The following DNAAF4 variants were observed in gnomAD, a reference collection of about 807,000 sequenced individuals.
DNAAF4 encodes dynein axonemal assembly factor 4.
Under a neutral mutation model 51.8 loss-of-function variants are expected in DNAAF4, and 43 were observed. That is an observed-to-expected ratio of 0.83 (90% CI 0.65 to 1.07). The LOEUF (loss-of-function observed/expected upper bound fraction) is 1.07. Among genes scored for constraint, DNAAF4 ranks in the 50% least tolerant of loss-of-function variants. The pLI is 0.00. For synonymous variants in DNAAF4, 194 were observed against 165.6 expected (o/e 1.17, Z -1.32); for missense variants, 581 against 493.0 (o/e 1.18, Z -1.69).
chr15:55,424,570 T>G (rs2057414241), intron 7 of DNAAF4, among the ~76,000 whole-genome samples: 1 of 152,192 alleles, frequency 6.6e-6, no homozygotes, highest in Non-Finnish European at 1.5e-5. Flanking sequence ...ACCACTTTTT[T>G]GACTAGGCCC....
At chr15:55,440,057 T>C (rs1422510551) in intron 6 of DNAAF4, among the ~76,000 whole-genome samples, 1 of 152,052 alleles carries the variant, frequency 6.6e-6, no homozygotes, top group East Asian at 1.9e-4. Context: ...TACTACTTGA[T>C]GGTGGTAATT....
intron 1 of DNAAF4, among the ~76,000 whole-genome samples, chr15:55,506,243 C>T (rs1298722666): frequency 1.3e-5 from 2 of 152,128 alleles, no homozygotes; most frequent in African/African-American, 2.4e-5. Context: ...CACAACCCCA[C>T]AATAAAATGG....
intron 5 of DNAAF4, among the ~76,000 whole-genome samples, chr15:55,465,717 C>T (rs1221093551): frequency 6.6e-6 from 1 of 152,024 alleles, no homozygotes; most frequent in African/African-American, 2.4e-5. Context: ...CAGATATGTG[C>T]CACCACACCT....
chr15:55,450,468 A>T, intron 5 of DNAAF4, 101 bp from the exon 6 acceptor site: 1 of 1,273,242 alleles, frequency 7.9e-7, no homozygotes, highest in African/African-American at 1.5e-5. Context: ...CCCAAATCCT[A>T]AACAAATAAA....
intron 1 of DNAAF4, among the ~76,000 whole-genome samples, chr15:55,506,062 T>C (rs2058725704): frequency 6.6e-6 from 1 of 152,232 alleles, no homozygotes; most frequent in African/African-American, 2.4e-5. Context: ...AGAGTACTTT[T>C]GTCTCAGCTT....
chr15:55,438,072 T>G (rs2057644610), intron 7 of DNAAF4, among the ~76,000 whole-genome samples: 1 of 152,152 alleles, frequency 6.6e-6, no homozygotes, highest in Non-Finnish European at 1.5e-5. Flanking sequence ...TTTTGATCAG[T>G]ATGTTAAAAT....
intron 5 of DNAAF4, among the ~76,000 whole-genome samples, chr15:55,454,027 A>G (rs1180651875): frequency 1.3e-5 from 2 of 151,636 alleles, no homozygotes; most frequent in Admixed American, 6.6e-5. Flanking sequence ...TTGGCCAGGT[A>G]TGGTGGCTCA....
chr15:55,447,370 G>A (rs1022137683), intron 6 of DNAAF4, among the ~76,000 whole-genome samples: 2 of 152,050 alleles, frequency 1.3e-5, no homozygotes, highest in Non-Finnish European at 2.9e-5. Flanking sequence ...TTCCTAGATG[G>A]GGTGGCGGCC....
chr15:55,438,041 G>A (rs1301783970), intron 7 of DNAAF4, among the ~76,000 whole-genome samples: 2 of 152,162 alleles, frequency 1.3e-5, no homozygotes, highest in Non-Finnish European at 2.9e-5. Flanking sequence ...TTGCCACTCA[G>A]AATATGCCAG....
rs2057476254 is a variant in DNAAF4 at position 55,430,529 on chromosome 15, T to A, written c.*141A>T. 3.1e-6 allele frequency: 4 copies of A among 1,270,542 alleles called. No individual in the cohort carries two copies. The allele number at this position is 1,270,542 out of a possible 1,614,324, so 78.7% of individuals were successfully genotyped here. A position where few individuals can be genotyped will look rare whatever the true frequency, so the allele number is the denominator to read the frequency against. The stretch of plus-strand genomic sequence containing the variant: ...TTCAAGTCAAACAGTTTATTTTCTA[T>A]AGATTTATAATATTTTGCCCTCAAC... On this transcript the variant is annotated 3_prime_UTR_variant, in exon 10 of 10. Transcript: ENST00000321149.
intron 9 of DNAAF4, among the ~76,000 whole-genome samples, chr15:55,431,232 A>C (rs1020583920): frequency 6.6e-6 from 1 of 151,968 alleles, no homozygotes; most frequent in South Asian, 2.1e-4. Context: ...ATCTAAAATA[A>C]AATAAAATAA....
At chr15:55,462,169 A>C (rs1279020100) in intron 5 of DNAAF4, among the ~76,000 whole-genome samples, 1 of 152,154 alleles carries the variant, frequency 6.6e-6, no homozygotes, top group African/African-American at 2.4e-5. Context: ...AACTAAAAAA[A>C]GTCCAGGACC....
chr15:55,441,758 G>A (rs1402997727), intron 6 of DNAAF4, among the ~76,000 whole-genome samples: 2 of 152,002 alleles, frequency 1.3e-5, no homozygotes, highest in African/African-American at 2.4e-5. Flanking sequence ...CTTTTTTATG[G>A]CTGCATAGTA....
In DNAAF4 at chr15:55,469,457, T is replaced by G. The variant is rs184171742; in HGVS notation, c.406-2296A>C. Among the ~76,000 whole-genome samples the G allele has an allele frequency of 3.9e-3, 574 of 147,956 alleles. 5 individuals carry two copies. Among genetic ancestry groups the G allele is most frequent in the African/African-American group, 0.013 (542 of 40,390 alleles). On this transcript the variant is annotated intron_variant, in intron 4 of 9. Transcript: ENST00000321149. ...TTCCATCACGAAACTTGTGGGTTTC[T>G]CCTATGCTTACCAATTCTTTTTTTT...
chr15:55,437,260 C>T (rs1367259572), intron 7 of DNAAF4, among the ~76,000 whole-genome samples: 2 of 152,024 alleles, frequency 1.3e-5, no homozygotes, highest in South Asian at 2.1e-4. Context: ...TATTTAATGG[C>T]TGAATAAATG....
At chr15:55,463,548 T>A (rs2058125833) in intron 5 of DNAAF4, among the ~76,000 whole-genome samples, 1 of 151,970 alleles carries the variant, frequency 6.6e-6, no homozygotes, top group Non-Finnish European at 1.5e-5. Context: ...TAAAGATTCA[T>A]CCAAAAAGCT....
intron 6 of DNAAF4, among the ~76,000 whole-genome samples, chr15:55,446,762 GT>G: frequency 6.9e-6 from 1 of 145,774 alleles, no homozygotes; most frequent in South Asian, 2.2e-4. Flanking sequence ...CCCAGACAGG[GT>G]GGTGGCCAGG....
At chr15:55,495,726 A>T (rs576232733) in intron 3 of DNAAF4, among the ~76,000 whole-genome samples, 9 of 152,220 alleles carry the variant, frequency 5.9e-5, no homozygotes, top group African/African-American at 2.2e-4. Context: ...ATAGGGTGAG[A>T]TTCTATCTCT....
chr15:55,473,000 T>C (rs1218916883), intron 4 of DNAAF4, among the ~76,000 whole-genome samples: 1 of 151,332 alleles, frequency 6.6e-6, no homozygotes, highest in Non-Finnish European at 1.5e-5. Flanking sequence ...AACCCATCTC[T>C]ACTAAAAATA....
Sources: allele counts gnomAD v4.1 joint callset (sites outside exome capture counted in the v4.1 genomes callset), GRCh38; gene constraint gnomAD v4.1.1; transcripts MANE v1.5; gene names NCBI Gene and HGNC (gene_info 2026-07-23, HGNC 2026-07-21).